MAP4K3: variants seen among roughly 807,000 people sequenced by gnomAD.
The protein encoded by MAP4K3 is mitogen-activated protein kinase kinase kinase kinase 3.
Under a neutral mutation model 143.5 loss-of-function variants are expected in MAP4K3, and 94 were observed. The observed-to-expected ratio is 0.65, with a 90% CI of 0.55 to 0.78. The LOEUF is 0.78. MAP4K3 is among the 30% of genes least tolerant of loss of function. The pLI, the probability that MAP4K3 is intolerant of heterozygous loss-of-function variation, is 0.00. For synonymous variants in MAP4K3, 416 were observed against 347.2 expected, an observed-to-expected ratio of 1.20 and a Z score of -2.20; for missense variants, 1,077 against 1,068.1, an observed-to-expected ratio of 1.01 and a Z score of -0.12.
At chr2:39,360,829 C>T (rs180694516) in intron 2 of MAP4K3, among the ~76,000 whole-genome samples, 155 of 152,228 alleles carry the variant, frequency 1.0e-3, no homozygotes, top group African/African-American at 3.6e-3. Flanking sequence ...GGGGTAACTG[C>T]CCCCCATGAT....
At chr2:39,315,755 T>A (rs113360235) in intron 12 of MAP4K3, among the ~76,000 whole-genome samples, 3 of 152,284 alleles carry the variant, frequency 2.0e-5, no homozygotes, top group Admixed American at 6.5e-5. Context: ...GGATCTATTC[T>A]GACATCGAGA....
At chr2:39,319,467 G>A (rs1683231045) in intron 12 of MAP4K3, among the ~76,000 whole-genome samples, 2 of 152,200 alleles carry the variant, frequency 1.3e-5, no homozygotes, top group African/African-American at 4.8e-5. Context: ...GTTTTGCAGG[G>A]CTGACTGTGG....
chr2:39,260,393 G>A (rs1195258666), intron 29 of MAP4K3, among the ~76,000 whole-genome samples: 3 of 152,076 alleles, frequency 2.0e-5, no homozygotes, highest in African/African-American at 4.8e-5. Flanking sequence ...TGGGATTACT[G>A]GCGTGACCCA....
intron 1 of MAP4K3, among the ~76,000 whole-genome samples, chr2:39,396,192 C>T (rs919123638): frequency 1.3e-5 from 2 of 150,132 alleles, no homozygotes; most frequent in Non-Finnish European, 2.9e-5. Flanking sequence ...CATGCACCAC[C>T]ACACCTGGCT....
intron 20 of MAP4K3, among the ~76,000 whole-genome samples, chr2:39,287,482 T>A (rs1207028457): frequency 2.0e-5 from 3 of 152,058 alleles, no homozygotes; most frequent in Non-Finnish European, 4.4e-5. Context: ...TTTTTTTTTT[T>A]AGTAGAGATG....
At chr2:39,356,054 C>A in intron 3 of MAP4K3, 195 bp downstream of exon 3, 1 of 459,808 alleles carries the variant, frequency 2.2e-6, no homozygotes, top group Non-Finnish European at 3.8e-6. Flanking sequence ...TCTAGAATTC[C>A]CAAGTCATAC....
At chr2:39,375,606 T>A (rs973013795) in intron 2 of MAP4K3, among the ~76,000 whole-genome samples, 1 of 152,236 alleles carries the variant, frequency 6.6e-6, no homozygotes, top group Non-Finnish European at 1.5e-5. Context: ...TAGTTACGTA[T>A]CTTTAATAAT....
intron 1 of MAP4K3, among the ~76,000 whole-genome samples, chr2:39,382,464 C>A (rs1666378970): frequency 6.6e-6 from 1 of 152,208 alleles, no homozygotes; most frequent in East Asian, 1.9e-4. Flanking sequence ...GGGATCTGAG[C>A]AAGTAATTTC....
intron 24 of MAP4K3, among the ~76,000 whole-genome samples, chr2:39,274,474 C>A (rs1308289540): frequency 3.9e-5 from 6 of 152,090 alleles, no homozygotes; most frequent in Non-Finnish European, 8.8e-5. Context: ...CTCACCTCGG[C>A]CTCCCAAAGT....
intron 27 of MAP4K3, 47 bp downstream of exon 27, chr2:39,267,142 T>A (rs774324911): frequency 3.2e-6 from 5 of 1,569,074 alleles, no homozygotes; most frequent in Admixed American, 1.7e-5. Context: ...ATGCCAGATT[T>A]TAGGAGGAGT....
chr2:39,421,376 T>C (rs912180251), intron 1 of MAP4K3, among the ~76,000 whole-genome samples: 3 of 147,402 alleles, frequency 2.0e-5, no homozygotes, highest in Non-Finnish European at 4.5e-5. Flanking sequence ...GCATTTTTTT[T>C]TTTTTTTTTT....
intron 1 of MAP4K3, among the ~76,000 whole-genome samples, chr2:39,428,570 G>T (rs1665171688): frequency 6.6e-6 from 1 of 151,958 alleles, no homozygotes; most frequent in Admixed American, 6.6e-5. Flanking sequence ...CAGCTACTCG[G>T]GAGGCTGAGG....
At chr2:39,436,605 T>A (rs533153344) in intron 1 of MAP4K3, 2 of 454,156 alleles carry the variant, frequency 4.4e-6, no homozygotes, top group Non-Finnish European at 8.1e-6. Context: ...GGATGAGCAG[T>A]GTGGCCTGCT....
At chr2:39,417,702 T>C (rs1667424520) in intron 1 of MAP4K3, among the ~76,000 whole-genome samples, 1 of 152,218 alleles carries the variant, frequency 6.6e-6, no homozygotes. Context: ...TATATACACG[T>C]ATTTCCTAGC....
In MAP4K3 at chr2:39,278,471, A is replaced by G; in HGVS notation, c.1730T>C (p.Phe577Ser). 1 of 1,591,598 alleles carries G rather than the reference A, an allele frequency of 6.3e-7. No homozygotes were observed. The highest frequency in any genetic ancestry group is 8.6e-7 in the Non-Finnish European group (1 of 1,165,978). The change falls in exon 24 of 34, where the codon TTT (phenylalanine) becomes TCT (serine). Residue 577 changes from phenylalanine to serine, a missense_variant. Coordinates refer to ENST00000263881, the MANE Select transcript of MAP4K3 (RefSeq NM_003618.4). ...GGTATAAATCCCTTCTTCGGCACCA[A>G]ATATCAAGTACTGATCTGAAATAAA... ...NPDTRDQYLIFGAEEGIYTLN... is the reference protein window; with the variant it reads ...NPDTRDQYLISGAEEGIYTLN...
intron 23 of MAP4K3, among the ~76,000 whole-genome samples, chr2:39,279,032 T>TTTTG (rs745805846): frequency 4.6e-5 from 7 of 152,174 alleles, no homozygotes; most frequent in African/African-American, 1.7e-4. Flanking sequence ...CTTTCCATTT[T>TTTTG]TTTGTTTGTT....
In MAP4K3 at chr2:39,343,389, G is replaced by T; in HGVS notation, c.309C>A (p.His103Gln). The T allele has an allele frequency of 8.1e-6, 13 of 1,610,488 alleles. No individual in the cohort carries two copies. The highest frequency in any genetic ancestry group is 1.1e-5 in the Non-Finnish European group (13 of 1,177,466). The change falls in exon 4 of 34, where the codon CAC (histidine) becomes CAA (glutamine). Residue 103 changes from histidine to glutamine, a missense_variant and splice_region_variant. By Grantham distance (24) the His-to-Gln change is conservative (BLOSUM62 0). Transcript: ENST00000263881. ...ATAAAAATACAACTTTGGTCTTACC[G>T]TGATAAATATCCTGTAAAGAACCAC... ...CGGGSLQDIY[H>Q]VTGPLSELQI...
At chr2:39,406,362 T>C (rs1667092788) in intron 1 of MAP4K3, among the ~76,000 whole-genome samples, 1 of 152,064 alleles carries the variant, frequency 6.6e-6, no homozygotes, top group South Asian at 2.1e-4. Flanking sequence ...AGAAAGATAT[T>C]AATATCCAAG....
At chr2:39,300,959 C>T (rs1171398867) in intron 15 of MAP4K3, among the ~76,000 whole-genome samples, 7 of 152,202 alleles carry the variant, frequency 4.6e-5, no homozygotes, top group Admixed American at 3.9e-4. Flanking sequence ...TAAATAAATG[C>T]TTGTTCAAAT....
Sources: gnomAD v4.1 joint callset for allele counts (sites outside exome capture counted in the v4.1 genomes callset) on GRCh38, gnomAD v4.1.1 for gene constraint, MANE v1.5 for transcripts, NCBI Gene and HGNC (gene_info 2026-07-23, HGNC 2026-07-21) for gene names.